Variants in ERG observed in about 807,000 individuals in gnomAD.
The protein encoded by ERG is ETS transcription factor ERG.
A neutral mutation model predicts 55.3 loss-of-function variants in ERG; 9 were observed. That is an observed-to-expected ratio of 0.16 (90% CI 0.10 to 0.28). ERG has a LOEUF of 0.28. ERG is among the 10% of genes least tolerant of loss of function. The probability of loss-of-function intolerance (pLI) is 1.00; values close to 1 mark genes in which losing one functional copy is unlikely to be tolerated. For synonymous variants in ERG, 223 were observed against 237.3 expected (o/e 0.94, Z 0.55); for missense variants, 434 against 631.6 (o/e 0.69, Z 3.35).
Position 38,596,055 on chromosome 21 carries a change from TTGGG to T in ERG, c.-149-11114_-149-11111del, listed in dbSNP as rs1297612202. 4.8e-4 allele frequency among the ~76,000 whole-genome samples: 50 copies of T among 103,606 alleles called. 1 individual carries two copies. The highest frequency in any genetic ancestry group is 1.7e-3 in the East Asian group (5 of 2,934). The allele number at this position is 103,606 out of a possible 152,430, so 68.0% of individuals were successfully genotyped here. A position where few individuals can be genotyped will look rare whatever the true frequency, so the allele number is the denominator to read the frequency against. On this transcript the variant is annotated intron_variant, in intron 1 of 10. Transcript: ENST00000398910. ...TCTCTATATAAAAATTGGTGTGGGA[TTGGG>T]GGGGGGGGGTCTCTTTTTATAATAG...
chr21:38,661,217 C>T (rs2060554140), intron 1 of ERG, among the ~76,000 whole-genome samples: 1 of 152,098 alleles, frequency 6.6e-6, no homozygotes, highest in Non-Finnish European at 1.5e-5. Context: ...GCGCGCTCCT[C>T]CTAACTCGGG....
intron 2 of ERG, among the ~76,000 whole-genome samples, chr21:38,429,491 A>G (rs1258992775): frequency 7.5e-6 from 1 of 132,530 alleles, no homozygotes; most frequent in Admixed American, 7.5e-5. Context: ...ATGTATGCAC[A>G]TGTACATATA....
chr21:38,595,122 G>A (rs886088224), intron 1 of ERG, among the ~76,000 whole-genome samples: 8 of 148,036 alleles, frequency 5.4e-5, no homozygotes, highest in Admixed American at 1.3e-4. Flanking sequence ...CAAGACGTGG[G>A]GAGAGTCTAG....
intron 2 of ERG, among the ~76,000 whole-genome samples, chr21:38,514,165 TAAAA>T (rs992585492): frequency 1.4e-5 from 2 of 146,816 alleles, no homozygotes; most frequent in South Asian, 2.1e-4. Flanking sequence ...AATAAAAAAA[TAAAA>T]AAAAGAAAGA....
chr21:38,432,532 CTGT>C (rs1192877066), intron 2 of ERG, among the ~76,000 whole-genome samples: 1 of 152,250 alleles, frequency 6.6e-6, no homozygotes, highest in Non-Finnish European at 1.5e-5. Context: ...CAGTATTTCA[CTGT>C]TGACTAATGA....
At chr21:38,439,781 G>A (rs772832593) in intron 2 of ERG, among the ~76,000 whole-genome samples, 17 of 152,180 alleles carry the variant, frequency 1.1e-4, no homozygotes, top group Non-Finnish European at 2.4e-4. Context: ...AACAGATCTC[G>A]TTTCACCACT....
At chr21:38,560,184 A>G (rs966168200) in intron 2 of ERG, among the ~76,000 whole-genome samples, 1 of 152,180 alleles carries the variant, frequency 6.6e-6, no homozygotes, top group African/African-American at 2.4e-5. Flanking sequence ...ACAACAACAA[A>G]AAAGGACAAG....
intron 1 of ERG, among the ~76,000 whole-genome samples, chr21:38,474,462 G>A (rs2059169149): frequency 6.6e-6 from 1 of 152,232 alleles, no homozygotes; most frequent in African/African-American, 2.4e-5. Context: ...CCCACCCCTG[G>A]GTGACACAGA....
downstream of ERG, among the ~76,000 whole-genome samples, chr21:38,377,970 C>T (rs1457639807): frequency 6.6e-6 from 1 of 152,218 alleles, no homozygotes; most frequent in South Asian, 2.1e-4. Flanking sequence ...CTGCTTCTCA[C>T]CATTCACCTG....
At chr21:38,430,346 T>G (rs1291626929) in intron 2 of ERG, among the ~76,000 whole-genome samples, 1 of 152,252 alleles carries the variant, frequency 6.6e-6, no homozygotes, top group Non-Finnish European at 1.5e-5. Flanking sequence ...GCAAATATTT[T>G]CTTCCACTCT....
chr21:38,392,014 A>G (rs1237432293), intron 7 of ERG, among the ~76,000 whole-genome samples: 1 of 152,228 alleles, frequency 6.6e-6, no homozygotes, highest in African/African-American at 2.4e-5. Context: ...TCATAGTCTA[A>G]GATAAACACA....
intron 1 of ERG, among the ~76,000 whole-genome samples, chr21:38,616,628 A>C (rs2060260896): frequency 6.6e-6 from 1 of 151,976 alleles, no homozygotes; most frequent in African/African-American, 2.4e-5. Flanking sequence ...ACTGAACTGG[A>C]CTGGACTGGA....
intron 8 of ERG, among the ~76,000 whole-genome samples, chr21:38,391,432 C>A (rs2836357): frequency 0.27 from 41,378 of 152,056 alleles, 5,971 homozygotes; most frequent in South Asian, 0.36. Context: ...CCTGTGTGCA[C>A]GTAGAATTTT....
chr21:38,513,953 C>G (rs147140697), intron 2 of ERG, among the ~76,000 whole-genome samples: 31 of 152,040 alleles, frequency 2.0e-4, no homozygotes, highest in African/African-American at 6.5e-4. Context: ...GGGGCTATTA[C>G]TACAGATGCT....
At chr21:38,508,167 G>A (rs999559309) in intron 2 of ERG, among the ~76,000 whole-genome samples, 10 of 150,682 alleles carry the variant, frequency 6.6e-5, no homozygotes, top group African/African-American at 2.4e-4. Flanking sequence ...GACAGAGCAG[G>A]AGGTCATCTG....
At chr21:38,649,854 G>T (rs1040041477) in intron 1 of ERG, among the ~76,000 whole-genome samples, 2 of 152,184 alleles carry the variant, frequency 1.3e-5, no homozygotes, top group African/African-American at 4.8e-5. Context: ...TTCTCCATTT[G>T]TCCTTACGTG....
intron 2 of ERG, among the ~76,000 whole-genome samples, chr21:38,525,227 C>T (rs563622969): frequency 2.0e-5 from 3 of 152,084 alleles, no homozygotes; most frequent in Non-Finnish European, 2.9e-5. Context: ...GAAGATCACA[C>T]GTGGTGTAGC....
chr21:38,423,669 C>G (rs1989659576), intron 2 of ERG, 108 bp from the exon 3 acceptor site: 1 of 1,217,124 alleles, frequency 8.2e-7, no homozygotes, highest in South Asian at 1.5e-5. Flanking sequence ...GCGGAAGAGA[C>G]TGGGGGAGAA....
At chr21:38,492,983 G>A (rs1419050516) in intron 1 of ERG, among the ~76,000 whole-genome samples, 1 of 152,168 alleles carries the variant, frequency 6.6e-6, no homozygotes, top group Non-Finnish European at 1.5e-5. Flanking sequence ...AAAATATTCA[G>A]AGTTGTTATG....
Sources: allele counts gnomAD v4.1 joint callset (sites outside exome capture counted in the v4.1 genomes callset), GRCh38; gene constraint gnomAD v4.1.1; transcripts MANE v1.5; gene names NCBI Gene and HGNC (gene_info 2026-07-23, HGNC 2026-07-21).